FAM110D: variants seen among roughly 807,000 people sequenced by gnomAD.
The protein encoded by FAM110D is family with sequence similarity 110 member D.
For synonymous variants in FAM110D, 174 were observed against 189.4 expected (o/e 0.92, Z 0.67); for missense variants, 376 against 395.6 (o/e 0.95, Z 0.42).
chr1:26,161,227 A>G lies in FAM110D; in HGVS notation c.-65A>G. ...CTCCCTGCAGGTCAGTGAGAGCCCA[A>G]GCCAATTGCTCTAGGCCCCGTGGCT... On this transcript the variant is annotated 5_prime_UTR_variant, in exon 2 of 2. Transcript: ENST00000374268. The surrounding 1 kb of genome is among the most constrained non-coding windows in gnomAD (Gnocchi z 5.4). The G allele has an allele frequency of 7.0e-7, 1 of 1,436,034 alleles. No individual in the cohort carries two copies. The highest frequency in any genetic ancestry group is 9.2e-7 in the Non-Finnish European group (1 of 1,081,740). The allele number at this position is 1,436,034 out of a possible 1,614,324, so 89.0% of individuals were successfully genotyped here.
Position 26,161,322 on chromosome 1 carries a change from A to C in FAM110D, c.31A>C (p.Arg11=). The C allele has an allele frequency of 6.3e-7, 1 of 1,589,104 alleles. No homozygotes were observed. Among genetic ancestry groups the C allele is most frequent in the East Asian group, 2.3e-5 (1 of 43,430 alleles). ...CCTGGCCCCTCCCTCCACCCCGTCC[A>C]GAGGACGGACCCCCAGCGCCGTGGA... MLLAPPSTPS[R]GRTPSAVERL... Residue 11 remains arginine (R), a synonymous_variant, in exon 2 of 2, where the codon AGA becomes CGA. Coordinates refer to ENST00000374268, the MANE Select transcript of FAM110D (RefSeq NM_024869.3). The surrounding 1 kb of genome is among the most constrained non-coding windows in gnomAD (Gnocchi z 5.4).
At position 26,162,237 on chromosome 1, in the gene FAM110D, A is replaced by G. The variant is rs527951614; in HGVS notation, c.*130A>G. On this transcript the variant is annotated 3_prime_UTR_variant, in exon 2 of 2. Coordinates refer to ENST00000374268, the MANE Select transcript of FAM110D (RefSeq NM_024869.3). The surrounding 1 kb of genome is among the most constrained non-coding windows in gnomAD (Gnocchi z 5.3). ...TCAGTTTCGCGTCTGAACCTTGGGGAGGTGGAACAAGTTGCTGCCGAAGGC... is the reference window on the plus strand; with the variant it reads ...TCAGTTTCGCGTCTGAACCTTGGGGGGGTGGAACAAGTTGCTGCCGAAGGC... 13 of 571,734 alleles carry G rather than the reference A, an allele frequency of 2.3e-5. No individual in the cohort carries two copies. In the African/African-American group the frequency reaches 2.4e-4, roughly 10 times the overall value. The allele number at this position is 571,734 out of a possible 1,614,324, so 35.4% of individuals were successfully genotyped here.
Position 26,161,798 on chromosome 1 carries a change from C to A in FAM110D, c.507C>A (p.Cys169Ter), listed in dbSNP as rs1300026629. The A allele has an allele frequency of 1.3e-6, 2 of 1,549,950 alleles. No homozygotes were observed. The highest frequency in any genetic ancestry group is 2.4e-5 in the East Asian group (1 of 41,248). Reference sequence around the variant, plus strand: ...AGAAGGAGCGCTTCTTCAACTACTGCGGCCTGGAGCGCGCGCTGGTGGAGG... The same window carrying A: ...AGAAGGAGCGCTTCTTCAACTACTGAGGCCTGGAGCGCGCGCTGGTGGAGG... ...LSEKERFFNY[C>*]GLERALVEVL... Residue 169 changes from cysteine (C) to a stop codon, truncating the protein, a stop_gained, in exon 2 of 2, where the codon TGC becomes TGA. Coordinates refer to ENST00000374268, the MANE Select transcript of FAM110D (RefSeq NM_024869.3). LOFTEE classifies it low-confidence loss of function (END_TRUNC). The surrounding 1 kb of genome is among the most constrained non-coding windows in gnomAD (Gnocchi z 5.4).
In FAM110D at chr1:26,161,487, A is replaced by C. The variant is rs2088366414; in HGVS notation, c.196A>C (p.Thr66Pro). ...NELGPPASPR[T>P]PRPVRRGSGR... ...GCTGGGGCCCCCTGCATCGCCCAGGACGCCCAGGCCGGTCCGCCGGGGAAG... is the reference window on the plus strand; with the variant it reads ...GCTGGGGCCCCCTGCATCGCCCAGGCCGCCCAGGCCGGTCCGCCGGGGAAG... The change falls in exon 2 of 2, where the codon ACG (threonine) becomes CCG (proline). Residue 66 changes from threonine to proline, a missense_variant. Transcript: ENST00000374268. The surrounding 1 kb of genome is among the most constrained non-coding windows in gnomAD (Gnocchi z 5.4). 1.9e-6 allele frequency: 3 copies of C among 1,554,986 alleles called. No homozygotes were observed. Among genetic ancestry groups the C allele is most frequent in the Non-Finnish European group, 2.6e-6 (3 of 1,149,672 alleles).
rs1450925923 is a variant in FAM110D at position 26,161,158 on chromosome 1, G to C, written c.-80-54G>C. ...ATCCTATACTGAGGAATGCCGGCAG[G>C]AGAGGACCAGGGGCATTTCCTACCC... On this transcript the variant is annotated intron_variant, in intron 1 of 1. Coordinates refer to ENST00000374268, the MANE Select transcript of FAM110D (RefSeq NM_024869.3). The surrounding 1 kb of genome is among the most constrained non-coding windows in gnomAD (Gnocchi z 5.4). 4 of 900,210 alleles carry C rather than the reference G, an allele frequency of 4.4e-6. No individual in the cohort carries two copies. Among genetic ancestry groups the C allele is most frequent in the African/African-American group, 3.4e-5 (2 of 59,184 alleles). The allele number at this position is 900,210 out of a possible 1,614,324, so 55.8% of individuals were successfully genotyped here.
At position 26,161,172 on chromosome 1, in the gene FAM110D, C is replaced by A; in HGVS notation, c.-80-40C>A. The A allele has an allele frequency of 1.0e-6, 1 of 1,002,912 alleles. No homozygotes were observed. 62.1% of individuals were successfully genotyped at this position (1,002,912 alleles called of 1,614,324 possible). ...AATGCCGGCAGGAGAGGACCAGGGG[C>A]ATTTCCTACCCTTCCCCTGACCTTC... On this transcript the variant is annotated intron_variant, in intron 1 of 1. Transcript: ENST00000374268. This position sits in a 1 kb window ranked among gnomAD's most constrained non-coding sequence, Gnocchi z 5.4.
At chr1:26,160,081 GTTCTTTTTTTTT>G (rs377715909) in intron 1 of FAM110D, among the ~76,000 whole-genome samples, 15,885 of 150,646 alleles carry the variant, frequency 0.11, 1,093 homozygotes, top group Middle Eastern at 0.2. Flanking sequence ...ATATCAGTGA[GTTCTTTTTTTTT>G]TTCTTTTTTT....
chr1:26,163,832 G>A lies in FAM110D; in HGVS notation c.*1725G>A, dbSNP rs1273079802. On this transcript the variant is annotated 3_prime_UTR_variant, in exon 2 of 2. Transcript: ENST00000374268. ...TCTTTGACCTTTTTCCTAGTACAGG[G>A]ACGGCGCACATAGTAGGGCCACAGG... 3 of 233,444 alleles carry A rather than the reference G, an allele frequency of 1.3e-5. No individual in the cohort carries two copies. The highest frequency in any genetic ancestry group is 6.8e-5 in the African/African-American group (3 of 44,394). The allele number at this position is 233,444 out of a possible 1,614,324, so 14.5% of individuals were successfully genotyped here.
chr1:26,162,276 C>T lies in FAM110D; in HGVS notation c.*169C>T, dbSNP rs2124492185. ...GCTGCCGAAGGCCCTTCCCTGCTCC[C>T]GCGGCGAAGGGGGAGGGAGAGGCCT... On this transcript the variant is annotated 3_prime_UTR_variant, in exon 2 of 2. Transcript: ENST00000374268. This position sits in a 1 kb window ranked among gnomAD's most constrained non-coding sequence, Gnocchi z 5.3. 4 of 422,958 alleles carry T rather than the reference C, an allele frequency of 9.5e-6. No individual in the cohort carries two copies. The highest frequency in any genetic ancestry group is 3.9e-5 in the East Asian group (1 of 25,612). 26.2% of individuals were successfully genotyped at this position (422,958 alleles called of 1,614,324 possible).
chr1:26,161,574 G>C lies in FAM110D; in HGVS notation c.283G>C (p.Ala95Pro), dbSNP rs1012045541. Residue 95 changes from alanine (A) to proline (P), a missense_variant, in exon 2 of 2, where the codon GCT becomes CCT. By Grantham distance (27) the Ala-to-Pro change is conservative. Transcript: ENST00000374268. The surrounding 1 kb of genome is among the most constrained non-coding windows in gnomAD (Gnocchi z 5.4). Reference protein sequence around the residue: ...IFYRQKRDCKASVNKENAKGQ... With the variant: ...IFYRQKRDCKPSVNKENAKGQ... ...CTACCGCCAGAAGCGGGACTGCAAG[G>C]CTTCGGTGAACAAAGAGAACGCCAA... is the stretch of plus-strand genomic sequence containing the variant. 3.9e-6 allele frequency: 6 copies of C among 1,550,408 alleles called. No individual in the cohort carries two copies. In the South Asian group the frequency reaches 4.8e-5, roughly 12 times the overall value.
Position 26,161,821 on chromosome 1 carries a change from AG to A in FAM110D, c.532del (p.Val178CysfsTer177). The A allele has an allele frequency of 6.5e-7, 1 of 1,546,988 alleles. No homozygotes were observed. Among genetic ancestry groups the A allele is most frequent in the Non-Finnish European group, 8.7e-7 (1 of 1,146,826 alleles). ...NYCGLERALV[E>X]VLGAERFSPQ... ...TGCGGCCTGGAGCGCGCGCTGGTGG[AG>A]GTGCTGGGCGCAGAGCGCTTCTCCC... On this transcript the variant is annotated frameshift_variant, in exon 2 of 2. Transcript: ENST00000374268. LOFTEE classifies it low-confidence loss of function (END_TRUNC). This position sits in a 1 kb window ranked among gnomAD's most constrained non-coding sequence, Gnocchi z 5.4.
rs1219001200 is a variant in FAM110D, at chr1:26,162,911, G to C, written c.*804G>C. 1 of 152,222 alleles carries C rather than the reference G, an allele frequency of 6.6e-6. No homozygotes were observed. Among genetic ancestry groups the C allele is most frequent in the Non-Finnish European group, 1.5e-5 (1 of 68,080 alleles). The allele number at this position is 152,222 out of a possible 1,614,324, so 9.4% of individuals were successfully genotyped here. On this transcript the variant is annotated 3_prime_UTR_variant, in exon 2 of 2. Transcript: ENST00000374268. This position sits in a 1 kb window ranked among gnomAD's most constrained non-coding sequence, Gnocchi z 5.3. ...AATCCCAGCACTTTGGGAGGCTGAG[G>C]AGGGTAGATCACGAGATCAGGAGTT...
rs779682567 is a variant in FAM110D, at chr1:26,162,171, G to A, written c.*64G>A. 2 of 1,053,322 alleles carry A rather than the reference G, an allele frequency of 1.9e-6. No individual in the cohort carries two copies. The highest frequency in any genetic ancestry group is 2.4e-6 in the Non-Finnish European group (2 of 816,428). The allele number at this position is 1,053,322 out of a possible 1,614,324, so 65.2% of individuals were successfully genotyped here. On this transcript the variant is annotated 3_prime_UTR_variant, in exon 2 of 2. Coordinates refer to ENST00000374268, the MANE Select transcript of FAM110D (RefSeq NM_024869.3). The surrounding 1 kb of genome is among the most constrained non-coding windows in gnomAD (Gnocchi z 5.3). ...GCACGGAAAAGGACACCCCTCTTCT[G>A]GCGCGCTGGGTGCCTTTGCGTAAGC...
rs1293237107 is a variant in FAM110D at position 26,162,866 on chromosome 1, G to A, written c.*759G>A. On this transcript the variant is annotated 3_prime_UTR_variant, in exon 2 of 2. Transcript: ENST00000374268. This position sits in a 1 kb window ranked among gnomAD's most constrained non-coding sequence, Gnocchi z 5.3. ...CACAAAAAGAAGGGAACCGGGCCGG[G>A]CGCGGTGGCTCAGGCCTGTAATCCC... 1.3e-5 allele frequency: 2 copies of A among 152,258 alleles called. No homozygotes were observed. Among genetic ancestry groups the A allele is most frequent in the Admixed American group, 6.5e-5 (1 of 15,286 alleles). The allele number at this position is 152,258 out of a possible 1,614,324, so 9.4% of individuals were successfully genotyped here.
chr1:26,162,085 C>T lies in FAM110D; in HGVS notation c.794C>T (p.Pro265Leu). The T allele has an allele frequency of 1.6e-6, 2 of 1,271,728 alleles. No homozygotes were observed. Among genetic ancestry groups the T allele is most frequent in the Non-Finnish European group, 9.9e-7 (1 of 1,009,758 alleles). The allele number at this position is 1,271,728 out of a possible 1,614,324, so 78.8% of individuals were successfully genotyped here. A position where few individuals can be genotyped will look rare whatever the true frequency, so the allele number is the denominator to read the frequency against. Reference sequence around the variant, plus strand: ...TACGGCTGCCAGCGCGCCCGCGGACCGCCGCGCGAGTCCGAGGTGTGACCG... The same window carrying T: ...TACGGCTGCCAGCGCGCCCGCGGACTGCCGCGCGAGTCCGAGGTGTGACCG... Reference protein sequence around the residue: ...WLYGCQRARGPPRESEV With the variant: ...WLYGCQRARGLPRESEV The change falls in exon 2 of 2, where the codon CCG becomes CTG. Residue 265 changes from proline to leucine, a missense_variant. Coordinates refer to ENST00000374268, the MANE Select transcript of FAM110D (RefSeq NM_024869.3). The surrounding 1 kb of genome is among the most constrained non-coding windows in gnomAD (Gnocchi z 5.3).
At chr1:26,160,346 G>A (rs1048342827) in intron 1 of FAM110D, among the ~76,000 whole-genome samples, 12 of 152,142 alleles carry the variant, frequency 7.9e-5, no homozygotes, top group Admixed American at 2.0e-4. Context: ...CACCCACCTC[G>A]GCCTCCCAAA....
At position 26,161,092 on chromosome 1, in the gene FAM110D, T is replaced by A; in HGVS notation, c.-80-120T>A. The A allele has an allele frequency of 1.8e-6, 1 of 555,188 alleles. No individual in the cohort carries two copies. The highest frequency in any genetic ancestry group is 3.2e-6 in the Non-Finnish European group (1 of 317,214). 34.4% of individuals were successfully genotyped at this position (555,188 alleles called of 1,614,324 possible). A position where few individuals can be genotyped will look rare whatever the true frequency, so the allele number is the denominator to read the frequency against. ...ATGGCCTGAGCCTCTGCTCCCTGGA[T>A]GTGGCACCGGCTAACCTGGATGGGA... On this transcript the variant is annotated intron_variant, in intron 1 of 1. Transcript: ENST00000374268. The surrounding 1 kb of genome is among the most constrained non-coding windows in gnomAD (Gnocchi z 5.4).
chr1:26,161,608 G>T lies in FAM110D; in HGVS notation c.317G>T (p.Gly106Val). 6.4e-7 allele frequency: 1 copy of T among 1,550,626 alleles called. No homozygotes were observed. Among genetic ancestry groups the T allele is most frequent in the Non-Finnish European group, 8.7e-7 (1 of 1,147,122 alleles). Residue 106 changes from glycine (G) to valine (V), a missense_variant, in exon 2 of 2, where the codon GGT (glycine) becomes GTT (valine). Coordinates refer to ENST00000374268, the MANE Select transcript of FAM110D (RefSeq NM_024869.3). The surrounding 1 kb of genome is among the most constrained non-coding windows in gnomAD (Gnocchi z 5.4). The part of the protein sequence containing the change: ...SVNKENAKGQ[G>V]LVRRLFLGAP... ...AACAAAGAGAACGCCAAGGGCCAGG[G>T]TCTGGTGCGGCGCCTCTTTCTGGGT...
chr1:26,160,868 T>C (rs2088360056), intron 1 of FAM110D, among the ~76,000 whole-genome samples: 1 of 152,226 alleles, frequency 6.6e-6, no homozygotes, highest in Non-Finnish European at 1.5e-5. Context: ...GCTGCTGGGT[T>C]GGGAAGAGGT....
Sources: gnomAD v4.1 joint callset for allele counts (sites outside exome capture counted in the v4.1 genomes callset) on GRCh38, gnomAD v4.1.1 for gene constraint, Gnocchi (gnomAD v3.1) non-coding constraint, MANE v1.5 for transcripts, NCBI Gene and HGNC (gene_info 2026-07-23, HGNC 2026-07-21) for gene names.